The following ARSD variants were observed in gnomAD, a reference collection of about 807,000 sequenced individuals.
The protein encoded by ARSD is arylsulfatase D.
In ARSD, 21 loss-of-function variants were observed where a neutral mutation model predicts 32.6. That is an observed-to-expected ratio of 0.64 (90% CI 0.46 to 0.93). The LOEUF (loss-of-function observed/expected upper bound fraction) is 0.93, where lower values mean the gene tolerates loss of function less well. Among genes scored for constraint, ARSD ranks in the 40% least tolerant of loss-of-function variants. ARSD has a pLI of 0.00. For synonymous variants in ARSD, 224 were observed against 237.4 expected, an observed-to-expected ratio of 0.94 and a Z score of 0.52; for missense variants, 454 against 520.9, an observed-to-expected ratio of 0.87 and a Z score of 1.25.
At chrX:2,913,118 T>C (rs1335946355) in intron 6 of ARSD, among the ~76,000 whole-genome samples, 1 of 111,930 alleles carries the variant, frequency 8.9e-6, no homozygotes, top group Non-Finnish European at 1.9e-5. Context: ...CATCGCTACA[T>C]GTAAGATGTA....
rs2088949247 is a variant in ARSD, at chrX:2,915,547, T to C, written c.1000+9A>G. 1.7e-6 allele frequency: 2 copies of C among 1,210,866 alleles called. No homozygotes were observed. The highest frequency in any genetic ancestry group is 1.8e-5 in the South Asian group (1 of 56,965). On this transcript the variant is annotated intron_variant, in intron 6 of 9. Transcript: ENST00000381154. ...GGGTGGAGTGAGGCTCCATGGTACCTTGACTTACCTATGAGCCAGTCCATC... is the reference window on the plus strand; with the variant it reads ...GGGTGGAGTGAGGCTCCATGGTACCCTGACTTACCTATGAGCCAGTCCATC...
Position 2,924,118 on chromosome X carries a change from C to T in ARSD, c.194+1498G>A, listed in dbSNP as rs182446080. 8.0e-5 allele frequency among the ~76,000 whole-genome samples: 9 copies of T among 112,597 alleles called. No individual in the cohort carries two copies. The East Asian group carries it at 2.0e-3, about 25-fold the overall frequency. ...CGCAACCTCAGCTCACCATAACCTC[C>T]ACCTCCCGGGCTCAAGCCATCCTCC... On this transcript the variant is annotated intron_variant, in intron 2 of 9. Coordinates refer to ENST00000381154, the MANE Select transcript of ARSD (RefSeq NM_001669.4).
chrX:2,912,062 C>A (rs1036463917), intron 6 of ARSD, among the ~76,000 whole-genome samples: 2 of 111,683 alleles, frequency 1.8e-5, no homozygotes, highest in Non-Finnish European at 3.8e-5. Flanking sequence ...ATTGCCTGAG[C>A]CTGGGAGGTC....
chrX:2,921,996 C>T lies in ARSD; in HGVS notation c.223G>A (p.Glu75Lys). The change falls in exon 3 of 10, where the codon GAA (glutamate) becomes AAA (lysine). Residue 75 changes from glutamate to lysine, a missense_variant. Physicochemically the swap from Glu to Lys is moderately conservative, Grantham distance 56. Around this residue, in one of 3 missense-constraint regions of ARSD, gnomAD observed 271 missense variants for 301.0 expected, o/e 0.90. Coordinates refer to ENST00000381154, the MANE Select transcript of ARSD (RefSeq NM_001669.4). Reference protein sequence around the residue: ...RTPNIDQLAEEGVRLTQHLAA... With the variant: ...RTPNIDQLAEKGVRLTQHLAA... ...AGGTGCTGAGTGAGCCTCACACCTT[C>T]CTCTGCAAGCTGGTCAATATTCGGC... The T allele has an allele frequency of 8.3e-7, 1 of 1,208,145 alleles. No individual in the cohort carries two copies. The highest frequency in any genetic ancestry group is 1.1e-6 in the Non-Finnish European group (1 of 894,036).
At chrX:2,913,880 C>T (rs1325348118) in intron 6 of ARSD, 6 of 369,467 alleles carry the variant, frequency 1.6e-5, no homozygotes, top group East Asian at 1.5e-4. Context: ...CTTGGTGCTG[C>T]GGAGGGAGTA....
intron 1 of ARSD, among the ~76,000 whole-genome samples, chrX:2,926,255 C>T (rs1276396144): frequency 8.9e-6 from 1 of 111,847 alleles, no homozygotes; most frequent in East Asian, 2.8e-4. Flanking sequence ...GGTGATTACC[C>T]TTATCTTGTC....
At chrX:2,914,008 C>G in intron 6 of ARSD, 3 of 479,261 alleles carry the variant, frequency 6.3e-6, no homozygotes, top group Non-Finnish European at 7.8e-6. Context: ...AAAAGCTCCC[C>G]GAGGTCTCCC....
At chrX:2,917,493 C>T (rs73632967) in intron 5 of ARSD, among the ~76,000 whole-genome samples, 2 of 109,966 alleles carry the variant, frequency 1.8e-5, no homozygotes, top group South Asian at 4.1e-4. Context: ...ATTTTTTTAG[C>T]GACAGAGTCT....
chrX:2,925,137 A>G lies in ARSD; in HGVS notation c.194+479T>C, dbSNP rs772943859. On this transcript the variant is annotated intron_variant, in intron 2 of 9. Coordinates refer to ENST00000381154, the MANE Select transcript of ARSD (RefSeq NM_001669.4). ...CGTTGTTTGCAAACGTCATCAACAG[A>G]AGATGAGATCTTTACAGCGGGCAGG... Among the ~76,000 whole-genome samples the G allele has an allele frequency of 3.2e-4, 36 of 112,380 alleles. 1 individual carries two copies. The highest frequency in any genetic ancestry group is 1.1e-3 in the African/African-American group (35 of 31,000).
intron 6 of ARSD, chrX:2,913,946 G>T: frequency 3.5e-6 from 1 of 282,505 alleles, no homozygotes; most frequent in Non-Finnish European, 4.9e-6. Flanking sequence ...TCCTCTCTTG[G>T]TCCTTCTCCT....
At position 2,929,334 on chromosome X, in the gene ARSD, G is replaced by T; in HGVS notation, c.-59C>A. The stretch of plus-strand genomic sequence containing the variant: ...CCTGCGCACTCCGCGCCCGGGCGCC[G>T]CTAGTGCCAAGGCTTCCGCCCTCTC... On this transcript the variant is annotated 5_prime_UTR_variant, in exon 1 of 10. Coordinates refer to ENST00000381154, the MANE Select transcript of ARSD (RefSeq NM_001669.4). 1.1e-6 allele frequency: 1 copy of T among 896,287 alleles called. No individual in the cohort carries two copies. The highest frequency in any genetic ancestry group is 5.8e-5 in the Admixed American group (1 of 17,169). The allele number at this position is 896,287 out of a possible 1,213,427, so 73.9% of individuals were successfully genotyped here. A position where few individuals can be genotyped will look rare whatever the true frequency, so the allele number is the denominator to read the frequency against.
At chrX:2,909,738 A>C in intron 8 of ARSD, 79 bp downstream of exon 8, 1 of 996,323 alleles carries the variant, frequency 1.0e-6, no homozygotes. Context: ...CCTGTTCCCC[A>C]AAATCCTATT....
intron 5 of ARSD, among the ~76,000 whole-genome samples, chrX:2,916,679 A>T (rs1471547710): frequency 9.0e-6 from 1 of 110,960 alleles, no homozygotes; most frequent in African/African-American, 3.3e-5. Context: ...GCTAAAAAAA[A>T]ATCGATCACA....
intron 5 of ARSD, among the ~76,000 whole-genome samples, chrX:2,916,749 A>T (rs1008102345): frequency 1.1e-4 from 12 of 111,263 alleles, no homozygotes; most frequent in African/African-American, 3.6e-4. Context: ...GACAAAGAGA[A>T]GTGGTTTAAA....
chrX:2,915,171 T>C (rs1603461119), intron 6 of ARSD, among the ~76,000 whole-genome samples: 1 of 111,562 alleles, frequency 9.0e-6, no homozygotes, highest in African/African-American at 3.3e-5. Context: ...TTCTTTTTTT[T>C]TGAGACGGAG....
At chrX:2,912,607 A>G (rs1471307104) in intron 6 of ARSD, among the ~76,000 whole-genome samples, 1 of 111,606 alleles carries the variant, frequency 9.0e-6, no homozygotes, top group African/African-American at 3.3e-5. Flanking sequence ...GATACCACCA[A>G]TACAAAACAC....
rs1480844952 is a variant in ARSD at position 2,921,777 on chromosome X, C to A, written c.316+126G>T. The stretch of plus-strand genomic sequence containing the variant: ...ATTCCTTACATAAATACAAGGAAGA[C>A]GATGAATTGCAGGTGATCTTTGTAC... On this transcript the variant is annotated intron_variant, in intron 3 of 9. Transcript: ENST00000381154. The A allele has an allele frequency of 5.9e-6, 5 of 842,424 alleles. No homozygotes were observed. The Admixed American group carries it at 1.7e-4, about 29-fold the overall frequency. The allele number at this position is 842,424 out of a possible 1,213,427, so 69.4% of individuals were successfully genotyped here. A position where few individuals can be genotyped will look rare whatever the true frequency, so the allele number is the denominator to read the frequency against.
intron 6 of ARSD, among the ~76,000 whole-genome samples, chrX:2,912,008 T>C (rs1402599514): frequency 8.9e-6 from 1 of 111,942 alleles, no homozygotes; most frequent in Non-Finnish European, 1.9e-5. Context: ...TGGTGGCACA[T>C]GCTTGTATGT....
Position 2,907,263 on chromosome X carries a change from C to T in ARSD, c.*8G>A. 4 of 1,199,152 alleles carry T rather than the reference C, an allele frequency of 3.3e-6. No homozygotes were observed. Among genetic ancestry groups the T allele is most frequent in the Admixed American group, 2.2e-5 (1 of 45,468 alleles). ...GCTCTCCTGGATCCTCTCTCACAGT[C>T]CTGGCATTCAGGGGGTGCCATCCCC... On this transcript the variant is annotated 3_prime_UTR_variant, in exon 10 of 10. Coordinates refer to ENST00000381154, the MANE Select transcript of ARSD (RefSeq NM_001669.4).
Sources: allele counts gnomAD v4.1 joint callset (sites outside exome capture counted in the v4.1 genomes callset), GRCh38; gene constraint gnomAD v4.1.1; regional missense constraint gnomAD v4.1.1; transcripts MANE v1.5; gene names NCBI Gene and HGNC (gene_info 2026-07-23, HGNC 2026-07-21).